The following PITPNB variants were observed in gnomAD, a reference collection of about 807,000 sequenced individuals.
PITPNB encodes phosphatidylinositol transfer protein beta isoform.
In PITPNB, 16 loss-of-function variants were observed where a neutral mutation model predicts 45.9. The observed-to-expected ratio is 0.35, with a 90% CI of 0.24 to 0.53. The LOEUF (loss-of-function observed/expected upper bound fraction) is 0.53. Among genes scored for constraint, PITPNB ranks in the 20% least tolerant of loss-of-function variants. The pLI is 0.93. For missense variants in PITPNB, 188 were observed against 330.5 expected, an observed-to-expected ratio of 0.57 and a Z score of 3.34; for synonymous variants, 112 against 108.9, an observed-to-expected ratio of 1.03 and a Z score of -0.18.
intron 11 of PITPNB, 149 bp downstream of exon 11, chr22:27,854,705 T>C (rs773243304): frequency 2.2e-5 from 12 of 533,426 alleles, no homozygotes; most frequent in South Asian, 2.1e-4. Flanking sequence ...TATTAATAAG[T>C]GTTCACTATT....
At chr22:27,910,911 G>C in intron 3 of PITPNB, 53 bp downstream of exon 3, 1 of 1,344,522 alleles carries the variant, frequency 7.4e-7, no homozygotes, top group Non-Finnish European at 1.1e-6. Context: ...CTAGTTACAT[G>C]CATCATAAGT....
At chr22:27,897,354 C>T (rs191913034) in intron 4 of PITPNB, among the ~76,000 whole-genome samples, 1 of 152,224 alleles carries the variant, frequency 6.6e-6, no homozygotes, top group Non-Finnish European at 1.5e-5. Context: ...GAACAATAAT[C>T]TAATTTTAAA....
intron 7 of PITPNB, among the ~76,000 whole-genome samples, chr22:27,888,249 G>C (rs895915489): frequency 6.6e-6 from 1 of 152,268 alleles, no homozygotes; most frequent in South Asian, 2.1e-4. Flanking sequence ...GTGCCACAAT[G>C]ATTTTAATCA....
intron 7 of PITPNB, among the ~76,000 whole-genome samples, chr22:27,889,453 G>T (rs935834668): frequency 3.3e-5 from 5 of 152,130 alleles, no homozygotes; most frequent in Non-Finnish European, 5.9e-5. Context: ...ACTTGGAAGG[G>T]AGAGAGAAAA....
At chr22:27,900,289 T>C (rs1398763288) in intron 3 of PITPNB, among the ~76,000 whole-genome samples, 1 of 151,984 alleles carries the variant, frequency 6.6e-6, no homozygotes, top group Admixed American at 6.6e-5. Context: ...ATTTTAACTA[T>C]CCATTTATTC....
At chr22:27,896,692 G>T in intron 5 of PITPNB, 66 bp from the exon 6 acceptor site, 1 of 1,075,412 alleles carries the variant, frequency 9.3e-7, no homozygotes, top group South Asian at 1.3e-5. Context: ...CACGTCTGAG[G>T]GAGCTTTTCC....
At chr22:27,870,797 A>G (rs1934637272) in intron 8 of PITPNB, among the ~76,000 whole-genome samples, 1 of 152,330 alleles carries the variant, frequency 6.6e-6, no homozygotes, top group African/African-American at 2.4e-5. Context: ...CCTGTATGCC[A>G]TATTATCAGC....
At chr22:27,884,193 C>T (rs1170398266) in intron 7 of PITPNB, among the ~76,000 whole-genome samples, 2 of 151,998 alleles carry the variant, frequency 1.3e-5, no homozygotes, top group Non-Finnish European at 2.9e-5. Context: ...GCACTCGAAG[C>T]CCGTAATTGT....
intron 7 of PITPNB, among the ~76,000 whole-genome samples, chr22:27,875,991 T>A (rs1934810227): frequency 6.6e-6 from 1 of 152,176 alleles, no homozygotes; most frequent in South Asian, 2.1e-4. Flanking sequence ...TTTAAAATCA[T>A]GTTTAACAGG....
chr22:27,885,212 T>TTAAAAAAAAAAAAAA lies in PITPNB; in HGVS notation c.456+9342_456+9343insTTTTTTTTTTTTTTA, dbSNP rs1569019261. 1.3e-4 allele frequency among the ~76,000 whole-genome samples: 4 copies of TTAAAAAAAAAAAAAA among 30,234 alleles called. 1 individual carries two copies. Among genetic ancestry groups the TTAAAAAAAAAAAAAA allele is most frequent in the East Asian group, 2.4e-3 (2 of 820 alleles). 19.8% of individuals were successfully genotyped at this position (30,234 alleles called of 152,430 possible). ...AAAGAGCCAGATTCAAATTTATACC[T>TTAAAAAAAAAAAAAA]AAAAAAAAAAAAAAAAAAAAAAAAA... On this transcript the variant is annotated intron_variant, in intron 7 of 11. Transcript: ENST00000335272.
At chr22:27,882,489 C>T (rs903842005) in intron 7 of PITPNB, among the ~76,000 whole-genome samples, 1 of 152,168 alleles carries the variant, frequency 6.6e-6, no homozygotes, top group African/African-American at 2.4e-5. Flanking sequence ...AAATAAAGAA[C>T]AAGCAAAAAG....
intron 3 of PITPNB, among the ~76,000 whole-genome samples, chr22:27,902,535 T>C (rs751006808): frequency 4.6e-5 from 7 of 152,068 alleles, no homozygotes; most frequent in Admixed American, 2.0e-4. Flanking sequence ...ATTGAGTTAA[T>C]TGCAAAAATT....
rs953102978 is a variant in PITPNB, at chr22:27,852,258, A to C, written c.*1444T>G. ...ACTGCAGGGGTTGGCGTGTTTTAGG[A>C]GGGACAGGAGGTTACAAAAGACAGT... On this transcript the variant is annotated 3_prime_UTR_variant, in exon 12 of 12. Transcript: ENST00000335272. 6 of 152,136 alleles carry C rather than the reference A, an allele frequency of 3.9e-5. No homozygotes were observed. Among genetic ancestry groups the C allele is most frequent in the African/African-American group, 9.7e-5 (4 of 41,416 alleles). The allele number at this position is 152,136 out of a possible 1,614,324, so 9.4% of individuals were successfully genotyped here. A position where few individuals can be genotyped will look rare whatever the true frequency, so the allele number is the denominator to read the frequency against.
chr22:27,891,278 A>G (rs1048227568), intron 7 of PITPNB, among the ~76,000 whole-genome samples: 2 of 152,238 alleles, frequency 1.3e-5, no homozygotes, highest in Admixed American at 6.5e-5. Context: ...TGCAAATTCA[A>G]TAAACTTTAA....
At chr22:27,872,082 T>C (rs1162042950) in intron 8 of PITPNB, among the ~76,000 whole-genome samples, 1 of 14,934 alleles carries the variant, frequency 6.7e-5, no homozygotes, top group Non-Finnish European at 1.0e-4. Flanking sequence ...TTAAGCCTGG[T>C]TTTTTTTTTT....
chr22:27,918,116 A>T (rs1432113830), intron 1 of PITPNB, among the ~76,000 whole-genome samples: 1 of 152,202 alleles, frequency 6.6e-6, no homozygotes, highest in Admixed American at 6.5e-5. Flanking sequence ...AGGAAAAAAA[A>T]GTGTAAAGCC....
At chr22:27,877,883 T>C (rs1462489870) in intron 7 of PITPNB, among the ~76,000 whole-genome samples, 1 of 152,096 alleles carries the variant, frequency 6.6e-6, no homozygotes, top group Non-Finnish European at 1.5e-5. Context: ...AAGTGTAAAC[T>C]AAGGAAAAGA....
chr22:27,881,641 G>T (rs1023227284), intron 7 of PITPNB, among the ~76,000 whole-genome samples: 1 of 152,126 alleles, frequency 6.6e-6, no homozygotes, highest in African/African-American at 2.4e-5. Context: ...CTAAAGAGCC[G>T]GGTAGCCACT....
At chr22:27,902,324 T>A (rs1451776616) in intron 3 of PITPNB, among the ~76,000 whole-genome samples, 1 of 152,118 alleles carries the variant, frequency 6.6e-6, no homozygotes, top group Non-Finnish European at 1.5e-5. Context: ...ATGGCTAGAC[T>A]GCAGTGACCA....
Sources: allele counts gnomAD v4.1 joint callset (sites outside exome capture counted in the v4.1 genomes callset), GRCh38; gene constraint gnomAD v4.1.1; transcripts MANE v1.5; gene names NCBI Gene and HGNC (gene_info 2026-07-23, HGNC 2026-07-21).